The following SLC2A9 variants were observed in gnomAD, a reference collection of about 807,000 sequenced individuals.
The protein encoded by SLC2A9 is solute carrier family 2, facilitated glucose transporter member 9.
A neutral mutation model predicts 50.6 loss-of-function variants in SLC2A9; 39 were observed. That is an observed-to-expected ratio of 0.77 (90% CI 0.60 to 1.01). SLC2A9 has a LOEUF of 1.01. SLC2A9 is among the 50% of genes least tolerant of loss of function. The probability of loss-of-function intolerance (pLI) is 0.00; values close to 1 mark genes in which losing one functional copy is unlikely to be tolerated. For synonymous variants in SLC2A9, 324 were observed against 276.9 expected, an observed-to-expected ratio of 1.17 and a Z score of -1.69; for missense variants, 686 against 677.6, an observed-to-expected ratio of 1.01 and a Z score of -0.14.
At chr4:9,792,821 C>G (rs1169358875) in intron 3 of SLC2A9, 1 of 10,900 alleles carries the variant, frequency 9.2e-5, no homozygotes, top group African/African-American at 4.5e-4. Context: ...CTTCCAAGAT[C>G]AGATGAGATT....
chr4:9,967,939 T>C (rs142618854), intron 5 of SLC2A9, among the ~76,000 whole-genome samples: 4 of 152,228 alleles, frequency 2.6e-5, no homozygotes, highest in African/African-American at 9.6e-5. Context: ...GTTGACTATA[T>C]TTAAAAGGGA....
chr4:9,830,417 AT>A (rs1255433489), intron 11 of SLC2A9, among the ~76,000 whole-genome samples: 3 of 152,212 alleles, frequency 2.0e-5, no homozygotes, highest in Non-Finnish European at 4.4e-5. Flanking sequence ...TGGGTTTAAT[AT>A]TAATACCTAG....
chr4:9,876,366 G>A (rs1226128498), intron 10 of SLC2A9, among the ~76,000 whole-genome samples: 1 of 152,174 alleles, frequency 6.6e-6, no homozygotes, highest in Non-Finnish European at 1.5e-5. Context: ...GCCAAGGTGG[G>A]AGGATAACTT....
downstream of SLC2A9, among the ~76,000 whole-genome samples, chr4:9,777,146 C>T (rs1358947494): frequency 6.6e-6 from 1 of 152,088 alleles, no homozygotes; most frequent in Non-Finnish European, 1.5e-5. Context: ...ATAATATAAG[C>T]CCAAGAAAGA....
At chr4:9,873,853 C>T (rs879891586) in intron 10 of SLC2A9, among the ~76,000 whole-genome samples, 1 of 152,220 alleles carries the variant, frequency 6.6e-6, no homozygotes, top group East Asian at 1.9e-4. Flanking sequence ...CTAACCGATA[C>T]AAATTCCTTA....
At chr4:9,924,349 C>G (rs1191148120) in intron 6 of SLC2A9, among the ~76,000 whole-genome samples, 1 of 152,202 alleles carries the variant, frequency 6.6e-6, no homozygotes, top group Non-Finnish European at 1.5e-5. Flanking sequence ...TGTGCTCAGC[C>G]CTCAGCAGTT....
intron 10 of SLC2A9, among the ~76,000 whole-genome samples, chr4:9,859,874 T>G (rs1731333367): frequency 6.6e-6 from 1 of 152,190 alleles, no homozygotes; most frequent in Admixed American, 6.5e-5. Context: ...TTTCCCCAGT[T>G]GGCTGTGACA....
chr4:9,795,966 A>T (rs1378263627), downstream of SLC2A9, among the ~76,000 whole-genome samples: 1 of 152,214 alleles, frequency 6.6e-6, no homozygotes. Flanking sequence ...CAACAAATCC[A>T]GGTTGTAGGT....
At position 9,945,862 on chromosome 4, in the gene SLC2A9, T is replaced by C. The variant is rs192181869; in HGVS notation, c.682-3817A>G. 1.6e-4 allele frequency among the ~76,000 whole-genome samples: 25 copies of C among 152,340 alleles called. 1 individual carries two copies. Among genetic ancestry groups the C allele is most frequent in the Admixed American group, 2.6e-4 (4 of 15,312 alleles). On this transcript the variant is annotated intron_variant, in intron 5 of 11. Transcript: ENST00000264784. ...ACAGTAGTGGTTCAATACATGTCTA[T>C]TGAAGGAGCAAATCAGCGTGGGAAA...
chr4:9,855,105 A>C (rs541819801), intron 10 of SLC2A9, among the ~76,000 whole-genome samples: 3 of 152,260 alleles, frequency 2.0e-5, no homozygotes, highest in African/African-American at 7.2e-5. Flanking sequence ...GGAAGTCCCA[A>C]CTGGAACAAT....
intron 5 of SLC2A9, among the ~76,000 whole-genome samples, chr4:9,974,680 A>G (rs927438396): frequency 5.3e-5 from 8 of 152,356 alleles, no homozygotes; most frequent in South Asian, 4.1e-4. Flanking sequence ...AATACTGCCC[A>G]AAGCAATCTA....
chr4:9,887,510 AGCTT>A, intron 10 of SLC2A9, 53 bp downstream of exon 10: 2 of 1,502,666 alleles, frequency 1.3e-6, no homozygotes, highest in Non-Finnish European at 1.8e-6. Context: ...AGAGCCCCCC[AGCTT>A]GGTGATGCCA....
At chr4:9,783,002 C>T (rs767534711) in intron 3 of SLC2A9, 10 of 1,614,118 alleles carry the variant, frequency 6.2e-6, no homozygotes, top group Non-Finnish European at 8.5e-6. Flanking sequence ...CTGCAGTGGA[C>T]ACCCCGAAGG....
chr4:10,016,829 G>A (rs1762693089), intron 2 of SLC2A9, among the ~76,000 whole-genome samples: 1 of 151,926 alleles, frequency 6.6e-6, no homozygotes, highest in Non-Finnish European at 1.5e-5. Context: ...CCACCCCCAT[G>A]AATCTGCCAT....
At chr4:9,839,963 C>G (rs1191711635) in intron 10 of SLC2A9, among the ~76,000 whole-genome samples, 1 of 152,074 alleles carries the variant, frequency 6.6e-6, no homozygotes, top group Non-Finnish European at 1.5e-5. Flanking sequence ...TGCACATGTA[C>G]CCCGAACTTA....
intron 10 of SLC2A9, chr4:9,880,046 G>C: frequency 1.0e-6 from 1 of 985,428 alleles, no homozygotes; most frequent in South Asian, 4.7e-5. Context: ...TAATCATGGA[G>C]AGCAGGCCCA....
chr4:9,832,741 A>G (rs1726379393), intron 11 of SLC2A9, among the ~76,000 whole-genome samples: 1 of 152,204 alleles, frequency 6.6e-6, no homozygotes, highest in African/African-American at 2.4e-5. Flanking sequence ...AAGTTACTAC[A>G]TCTCTCTGAG....
upstream of SLC2A9, among the ~76,000 whole-genome samples, chr4:10,022,892 T>C (rs115848479): frequency 4.9e-4 from 75 of 152,258 alleles, no homozygotes; most frequent in African/African-American, 1.7e-3. Context: ...TGGGGATGTA[T>C]TGAGCACGCC....
intron 10 of SLC2A9, among the ~76,000 whole-genome samples, chr4:9,864,000 T>C (rs944088476): frequency 6.6e-6 from 1 of 152,054 alleles, no homozygotes; most frequent in Admixed American, 6.5e-5. Context: ...ATACACTTTT[T>C]CCCCAGATCT....
Sources: allele counts gnomAD v4.1 joint callset (sites outside exome capture counted in the v4.1 genomes callset), GRCh38; gene constraint gnomAD v4.1.1; transcripts MANE v1.5; gene names NCBI Gene and HGNC (gene_info 2026-07-23, HGNC 2026-07-21).